Variants in TTC7B observed in about 807,000 individuals in gnomAD.
The protein encoded by TTC7B is tetratricopeptide repeat protein 7B.
In TTC7B, 28 loss-of-function variants were observed where a neutral mutation model predicts 106.8. The observed-to-expected ratio is 0.26, with a 90% CI of 0.19 to 0.36. TTC7B has a LOEUF of 0.36. TTC7B is among the 10% of genes least tolerant of loss of function. The probability of loss-of-function intolerance (pLI) is 1.00; values close to 1 mark genes in which losing one functional copy is unlikely to be tolerated. For synonymous variants in TTC7B, 405 were observed against 430.6 expected, an observed-to-expected ratio of 0.94 and a Z score of 0.74; for missense variants, 862 against 1,076.4, an observed-to-expected ratio of 0.80 and a Z score of 2.79.
At chr14:90,784,864 C>A (rs4904730) in intron 2 of TTC7B, among the ~76,000 whole-genome samples, 1 of 152,008 alleles carries the variant, frequency 6.6e-6, no homozygotes, top group South Asian at 2.1e-4. Flanking sequence ...AGCTGTGTCC[C>A]GTGCATACAA....
At chr14:90,564,651 T>C (rs970960622) in intron 19 of TTC7B, among the ~76,000 whole-genome samples, 5 of 152,190 alleles carry the variant, frequency 3.3e-5, no homozygotes, top group African/African-American at 1.2e-4. Context: ...TTCAGGCCTG[T>C]AATTTCAACA....
In TTC7B at chr14:90,538,304, A is replaced by G. The variant is rs971663848; in HGVS notation, c.*3064T>C. On this transcript the variant is annotated 3_prime_UTR_variant, in exon 20 of 20. Transcript: ENST00000328459. ...GATGGACGGACGGACGGACGGGTGG[A>G]CGGATGAATGGATGGATGGATGGAT... The G allele has an allele frequency of 2.7e-5, 4 of 150,246 alleles. No individual in the cohort carries two copies. Among genetic ancestry groups the G allele is most frequent in the African/African-American group, 1.0e-4 (4 of 40,068 alleles). The allele number at this position is 150,246 out of a possible 1,614,324, so 9.3% of individuals were successfully genotyped here. A position where few individuals can be genotyped will look rare whatever the true frequency, so the allele number is the denominator to read the frequency against.
chr14:90,642,888 G>C (rs745600971), intron 15 of TTC7B, among the ~76,000 whole-genome samples: 1 of 151,954 alleles, frequency 6.6e-6, no homozygotes, highest in Non-Finnish European at 1.5e-5. Flanking sequence ...GAGAATCACC[G>C]AGAGCTAGTG....
intron 9 of TTC7B, among the ~76,000 whole-genome samples, chr14:90,667,477 G>T (rs1886457008): frequency 6.6e-6 from 1 of 152,092 alleles, no homozygotes; most frequent in South Asian, 2.1e-4. Context: ...GTGAGAGGGG[G>T]TATTAACTTT....
At chr14:90,779,197 C>T (rs1251184263) in intron 3 of TTC7B, among the ~76,000 whole-genome samples, 1 of 152,250 alleles carries the variant, frequency 6.6e-6, no homozygotes, top group Non-Finnish European at 1.5e-5. Flanking sequence ...GTCCCTCTTC[C>T]TCTAGGAAGC....
rs915799755 is a variant in TTC7B, at chr14:90,700,403, T to C, written c.699-4825A>G. ...ATACTGATTTTCATTTGAGTTTATA[T>C]CTGTTCACCAACCAAACTGCAATCA... On this transcript the variant is annotated intron_variant, in intron 5 of 19. Coordinates refer to ENST00000328459, the MANE Select transcript of TTC7B (RefSeq NM_001010854.2). Among the ~76,000 whole-genome samples the C allele has an allele frequency of 3.9e-5, 6 of 152,178 alleles. 1 individual carries two copies. The East Asian group carries it at 1.2e-3, about 30-fold the overall frequency.
rs1255966847 is a variant in TTC7B, at chr14:90,540,344, C to T, written c.*1024G>A. 1 of 152,226 alleles carries T rather than the reference C, an allele frequency of 6.6e-6. No individual in the cohort carries two copies. The highest frequency in any genetic ancestry group is 1.9e-4 in the East Asian group (1 of 5,180). 9.4% of individuals were successfully genotyped at this position (152,226 alleles called of 1,614,324 possible). The stretch of plus-strand genomic sequence containing the variant: ...TCAGGAGGCTGAGGTGGGAGGATCA[C>T]CTGAACCTGGGAAGTCGAGGCTGCA... On this transcript the variant is annotated 3_prime_UTR_variant, in exon 20 of 20. Coordinates refer to ENST00000328459, the MANE Select transcript of TTC7B (RefSeq NM_001010854.2).
At position 90,808,904 on chromosome 14, in the gene TTC7B, G is replaced by A. The variant is rs1270908455; in HGVS notation, c.121+7271C>T. ...GGGCACAGCTGGCCGGGCAGCTGGG[G>A]TGCAGGGATGCTCTGGGTAAGTAAG... On this transcript the variant is annotated intron_variant, in intron 1 of 19. Transcript: ENST00000328459. The surrounding 1 kb of genome is among the most constrained non-coding windows in gnomAD (Gnocchi z 4.2). 6.6e-6 allele frequency among the ~76,000 whole-genome samples: 1 copy of A among 152,332 alleles called. No homozygotes were observed. The highest frequency in any genetic ancestry group is 1.9e-4 in the East Asian group (1 of 5,178).
At position 90,766,915 on chromosome 14, in the gene TTC7B, C is replaced by G. The variant is rs545336909; in HGVS notation, c.445+13823G>C. The G allele has an allele frequency of 4.7e-4, 731 of 1,544,978 alleles. 7 individuals carry two copies. In the South Asian group the frequency reaches 7.7e-3, roughly 16 times the overall value. On this transcript the variant is annotated intron_variant, in intron 3 of 19. Coordinates refer to ENST00000328459, the MANE Select transcript of TTC7B (RefSeq NM_001010854.2). ...TAGAGGGCTGTGCCACTCCTGGGGC[C>G]TTCATGTCCAAAGTCAGCACACCAA...
chr14:90,778,033 A>C (rs1490543372), intron 3 of TTC7B, among the ~76,000 whole-genome samples: 1 of 152,148 alleles, frequency 6.6e-6, no homozygotes, highest in Non-Finnish European at 1.5e-5. Context: ...CATGTGACAC[A>C]CTGAGTAGGA....
In TTC7B at chr14:90,652,857, G is replaced by A. The variant is rs1276462484; in HGVS notation, c.1501C>T (p.Leu501Phe). Residue 501 changes from leucine to phenylalanine, a missense_variant, in exon 13 of 20, where the codon CTT becomes TTT. Transcript: ENST00000328459. ...CCCACTCACCTCTGAAATGCAAGAA[G>A]CGCCTTTCTCTGTAGGACCTCCTGC... Reference protein sequence around the residue: ...GMQEVLQRKALLAFQRAHSLS... With the variant: ...GMQEVLQRKAFLAFQRAHSLS... 2 of 1,614,124 alleles carry A rather than the reference G, an allele frequency of 1.2e-6. No individual in the cohort carries two copies. The highest frequency in any genetic ancestry group is 1.7e-6 in the Non-Finnish European group (2 of 1,180,050).
At position 90,578,431 on chromosome 14, in the gene TTC7B, C is replaced by T. The variant is rs1421882158; in HGVS notation, c.2108-123G>A. ...TGGCGGGGCGCAGAGCCAGCTGATC[C>T]CTGCTCCAAGTGGAAACAGCTGCCG... is the stretch of plus-strand genomic sequence containing the variant. On this transcript the variant is annotated intron_variant, in intron 18 of 19. Transcript: ENST00000328459. This position sits in a 1 kb window ranked among gnomAD's most constrained non-coding sequence, Gnocchi z 4.7. 2 of 993,292 alleles carry T rather than the reference C, an allele frequency of 2.0e-6. No homozygotes were observed. The highest frequency in any genetic ancestry group is 3.0e-6 in the Non-Finnish European group (2 of 661,006). The allele number at this position is 993,292 out of a possible 1,614,324, so 61.5% of individuals were successfully genotyped here.
intron 9 of TTC7B, among the ~76,000 whole-genome samples, chr14:90,673,482 G>GGCAT (rs1886710732): frequency 6.6e-6 from 1 of 152,176 alleles, no homozygotes. Context: ...ACAGAAGGAT[G>GGCAT]GCATGTCTAT....
intron 19 of TTC7B, among the ~76,000 whole-genome samples, chr14:90,557,744 G>A (rs535639403): frequency 1.4e-3 from 218 of 152,360 alleles, no homozygotes; most frequent in African/African-American, 3.7e-3. Flanking sequence ...TGCTGCCTGG[G>A]GTGTGGGGAC....
At chr14:90,612,187 T>A (rs1407267070) in intron 16 of TTC7B, among the ~76,000 whole-genome samples, 3 of 152,322 alleles carry the variant, frequency 2.0e-5, no homozygotes, top group Admixed American at 6.5e-5. Flanking sequence ...ACTTATTACA[T>A]CATCCCAGAC....
intron 15 of TTC7B, among the ~76,000 whole-genome samples, chr14:90,622,605 C>A (rs1884256646): frequency 6.6e-6 from 1 of 151,910 alleles, no homozygotes; most frequent in Admixed American, 6.6e-5. Context: ...TAGCGTGCAC[C>A]TGTAATCCCA....
chr14:90,571,868 G>A (rs1957375978), intron 19 of TTC7B, among the ~76,000 whole-genome samples: 1 of 152,232 alleles, frequency 6.6e-6, no homozygotes, highest in Non-Finnish European at 1.5e-5. Flanking sequence ...TGGATCCTGG[G>A]TAGCCCTCAC....
At position 90,593,529 on chromosome 14, in the gene TTC7B, C is replaced by A. The variant is rs181609125; in HGVS notation, c.2064G>T (p.Pro688=). ...GTGCCAGCGTCATCCAGGGGTGCAG[C>A]GGGCCCTGCTTAGGGGCACTGCTCT... The part of the protein sequence containing the change: ...SLQSSAPKQG[P]LHPWMTLAQI... The change falls in exon 18 of 20, where the codon CCG becomes CCT. Residue 688 remains proline (P), a synonymous_variant. Coordinates refer to ENST00000328459, the MANE Select transcript of TTC7B (RefSeq NM_001010854.2). The A allele has an allele frequency of 1.2e-6, 2 of 1,610,614 alleles. No individual in the cohort carries two copies. Among genetic ancestry groups the A allele is most frequent in the Non-Finnish European group, 8.5e-7 (1 of 1,178,006 alleles).
intron 15 of TTC7B, 65 bp downstream of exon 15, chr14:90,643,983 G>A (rs1190709518): frequency 1.3e-6 from 2 of 1,584,050 alleles, no homozygotes; most frequent in Non-Finnish European, 1.7e-6. Context: ...TTGGAAAGAA[G>A]GCAGGGGAAG....
Sources: allele counts gnomAD v4.1 joint callset (sites outside exome capture counted in the v4.1 genomes callset), GRCh38; gene constraint gnomAD v4.1.1; non-coding constraint Gnocchi (gnomAD v3.1); transcripts MANE v1.5; gene names NCBI Gene and HGNC (gene_info 2026-07-23, HGNC 2026-07-21).